The following LRP1B variants were observed in gnomAD, a reference collection of about 807,000 sequenced individuals.
The protein encoded by LRP1B is LDL receptor related protein 1B, also known as low-density lipoprotein receptor-related protein 1B.
In LRP1B, 217 loss-of-function variants were observed where a neutral mutation model predicts 556.6. The ratio of observed to expected loss-of-function variants is 0.39; its 90% CI spans 0.35 to 0.44. The LOEUF is 0.44. LRP1B is among the 20% of genes least tolerant of loss of function. The pLI is 1.00. For missense variants in LRP1B, 5,053 were observed against 5,620.8 expected, an observed-to-expected ratio of 0.90 and a Z score of 3.23; for synonymous variants, 2,047 against 1,865.8, an observed-to-expected ratio of 1.10 and a Z score of -2.50.
chr2:141,998,823 G>A (rs2105131869), intron 1 of LRP1B, among the ~76,000 whole-genome samples: 1 of 152,320 alleles, frequency 6.6e-6, no homozygotes, highest in Admixed American at 6.5e-5. Context: ...TCTGGGTTAA[G>A]ATAGGGGGTT....
chr2:140,496,832 T>C (rs1275999777), intron 55 of LRP1B, among the ~76,000 whole-genome samples: 1 of 151,964 alleles, frequency 6.6e-6, no homozygotes, highest in Non-Finnish European at 1.5e-5. Flanking sequence ...GATTTCTGAG[T>C]TGTCAAAAGT....
intron 23 of LRP1B, 64 bp from the exon 24 acceptor site, chr2:140,886,399 G>T: frequency 1.3e-6 from 1 of 796,574 alleles, no homozygotes; most frequent in South Asian, 2.1e-5. Flanking sequence ...AAATGCTTGG[G>T]ATCAAAATAT....
intron 2 of LRP1B, among the ~76,000 whole-genome samples, chr2:141,487,473 T>A (rs1032906490): frequency 6.6e-6 from 1 of 152,206 alleles, no homozygotes; most frequent in Non-Finnish European, 1.5e-5. Context: ...GAACAGATTC[T>A]ACAAATGCTA....
intron 3 of LRP1B, among the ~76,000 whole-genome samples, chr2:141,410,362 C>T (rs778165086): frequency 2.0e-5 from 3 of 151,896 alleles, no homozygotes; most frequent in East Asian, 1.9e-4. Context: ...AGAAAATATG[C>T]TGATTAAACT....
At chr2:140,981,004 A>G (rs1438683662) in intron 18 of LRP1B, among the ~76,000 whole-genome samples, 2 of 152,082 alleles carry the variant, frequency 1.3e-5, no homozygotes, top group Non-Finnish European at 2.9e-5. Flanking sequence ...GGAAAACCAA[A>G]TATTGTTTTC....
At chr2:140,281,653 A>T (rs1489256450) in intron 84 of LRP1B, among the ~76,000 whole-genome samples, 1 of 151,862 alleles carries the variant, frequency 6.6e-6, no homozygotes, top group African/African-American at 2.4e-5. Context: ...TCATTTAAGT[A>T]TGCATTTGAT....
At chr2:141,560,993 G>A (rs996249994) in intron 2 of LRP1B, among the ~76,000 whole-genome samples, 1 of 151,600 alleles carries the variant, frequency 6.6e-6, no homozygotes, top group African/African-American at 2.4e-5. Context: ...CCAGAAAAAG[G>A]TGGGCATTTG....
intron 86 of LRP1B, among the ~76,000 whole-genome samples, 170 bp downstream of exon 86, chr2:140,270,072 G>C (rs1682387840): frequency 6.6e-6 from 1 of 151,880 alleles, no homozygotes; most frequent in African/African-American, 2.4e-5. Flanking sequence ...TTAGCAATTT[G>C]ATGAAAGGAG....
At chr2:140,864,998 C>T (rs1692906583) in intron 27 of LRP1B, among the ~76,000 whole-genome samples, 1 of 152,028 alleles carries the variant, frequency 6.6e-6, no homozygotes, top group Non-Finnish European at 1.5e-5. Flanking sequence ...CAGGCCATGC[C>T]ATTAATTCTA....
At chr2:140,855,493 G>GGGAAAA in intron 27 of LRP1B, among the ~76,000 whole-genome samples, 1 of 99,412 alleles carries the variant, frequency 1.0e-5, no homozygotes, top group Admixed American at 1.1e-4. Context: ...TCTCTACTGG[G>GGGAAAA]AAAAAAAAAA....
chr2:141,666,647 T>C (rs1460215019), intron 2 of LRP1B, among the ~76,000 whole-genome samples: 1 of 152,190 alleles, frequency 6.6e-6, no homozygotes. Context: ...ATGGTCCAGA[T>C]ACAAGTCTGT....
chr2:141,526,519 A>C (rs1184551273), intron 2 of LRP1B, among the ~76,000 whole-genome samples: 1 of 152,004 alleles, frequency 6.6e-6, no homozygotes, highest in Non-Finnish European at 1.5e-5. Context: ...TCCTATATTC[A>C]ATTTTTCCAT....
chr2:141,512,069 C>T (rs760742965), intron 2 of LRP1B, among the ~76,000 whole-genome samples: 13 of 152,164 alleles, frequency 8.5e-5, no homozygotes, highest in Non-Finnish European at 1.6e-4. Context: ...AATTTCCCCT[C>T]TTTACTACAG....
At chr2:142,075,796 C>A (rs1705475649) in intron 1 of LRP1B, among the ~76,000 whole-genome samples, 1 of 152,078 alleles carries the variant, frequency 6.6e-6, no homozygotes, top group African/African-American at 2.4e-5. Flanking sequence ...TGGTGATTTA[C>A]CTTAGGGAAG....
Position 140,503,137 on chromosome 2 carries a change from C to T in LRP1B, c.8522-34G>A, listed in dbSNP as rs753639304. The T allele has an allele frequency of 4.4e-6, 7 of 1,601,202 alleles. No homozygotes were observed. The South Asian group carries it at 5.5e-5, about 13-fold the overall frequency. ...GCAGAAAAAACATTTGACTAATTCA[C>T]ATAACAAATACTAATTGAAACGTCA... On this transcript the variant is annotated intron_variant, in intron 53 of 90. Transcript: ENST00000389484.
rs554249422 is a variant in LRP1B at position 141,251,729 on chromosome 2, T to C, written c.463+2793A>G. Among the ~76,000 whole-genome samples the C allele has an allele frequency of 2.0e-4, 31 of 152,022 alleles. No homozygotes were observed. The South Asian group carries it at 5.0e-3, about 24-fold the overall frequency. On this transcript the variant is annotated intron_variant, in intron 4 of 90. Transcript: ENST00000389484. ...AAACAAGCATGGGTGGATATACAAG[T>C]AAATAGTGAGAAGAGAAAGAGTAAT...
intron 3 of LRP1B, among the ~76,000 whole-genome samples, chr2:141,317,618 T>A (rs1376518055): frequency 6.6e-6 from 1 of 152,144 alleles, no homozygotes; most frequent in Non-Finnish European, 1.5e-5. Flanking sequence ...ATATAATCCA[T>A]TCCAGATTTC....
At chr2:141,390,934 A>C (rs1307347075) in intron 3 of LRP1B, among the ~76,000 whole-genome samples, 1 of 152,208 alleles carries the variant, frequency 6.6e-6, no homozygotes, top group Non-Finnish European at 1.5e-5. Context: ...TTAAAAAAAG[A>C]AATATGACAT....
intron 7 of LRP1B, among the ~76,000 whole-genome samples, chr2:141,081,025 G>C: frequency 6.6e-6 from 1 of 152,048 alleles, no homozygotes; most frequent in East Asian, 1.9e-4. Flanking sequence ...TAGTGATGGG[G>C]TTTTGCCATG....
Sources: allele counts gnomAD v4.1 joint callset (sites outside exome capture counted in the v4.1 genomes callset), GRCh38; gene constraint gnomAD v4.1.1; transcripts MANE v1.5; gene names NCBI Gene and HGNC (gene_info 2026-07-23, HGNC 2026-07-21).